DAB1: variants seen among roughly 807,000 people sequenced by gnomAD.
The protein encoded by DAB1 is DAB adaptor protein 1, also known as disabled homolog 1.
Under a neutral mutation model 64.6 loss-of-function variants are expected in DAB1, and 15 were observed. The observed-to-expected ratio is 0.23, with a 90% confidence interval of 0.16 to 0.36. DAB1 has a LOEUF of 0.36. DAB1 is among the 10% of genes least tolerant of loss of function. The pLI, the probability that DAB1 is intolerant of heterozygous loss-of-function variation, is 1.00. For synonymous variants in DAB1, 235 were observed against 251.9 expected (o/e 0.93, Z 0.64); for missense variants, 596 against 706.7 (o/e 0.84, Z 1.78).
intron 5 of DAB1, among the ~76,000 whole-genome samples, chr1:58,131,769 C>T (rs1190578542): frequency 1.3e-5 from 2 of 148,398 alleles, no homozygotes; most frequent in South Asian, 2.3e-4. Flanking sequence ...TTAGGCTGCT[C>T]GGGGGTCAGG....
intron 4 of DAB1, among the ~76,000 whole-genome samples, chr1:58,294,337 T>C (rs1260704580): frequency 6.6e-6 from 1 of 152,198 alleles, no homozygotes; most frequent in Non-Finnish European, 1.5e-5. Flanking sequence ...ATTCATAGCA[T>C]CTTCAGTAGC....
At chr1:58,118,566 A>ATC (rs1491578232) in intron 5 of DAB1, among the ~76,000 whole-genome samples, 1 of 56,284 alleles carries the variant, frequency 1.8e-5, no homozygotes, top group African/African-American at 2.3e-4. Flanking sequence ...TATAAAATAC[A>ATC]TATATATATA....
At chr1:57,055,213 A>C (rs1373301728) in intron 9 of DAB1, among the ~76,000 whole-genome samples, 1 of 152,232 alleles carries the variant, frequency 6.6e-6, no homozygotes, top group Non-Finnish European at 1.5e-5. Flanking sequence ...CCAGAAAAGC[A>C]GATGAAATGT....
chr1:57,953,957 T>C (rs1645332321), intron 5 of DAB1, among the ~76,000 whole-genome samples: 1 of 152,098 alleles, frequency 6.6e-6, no homozygotes, highest in African/African-American at 2.4e-5. Flanking sequence ...CACCACCAAC[T>C]CCCTTTTTGG....
At chr1:57,047,668 T>TTTA (rs1367692928) in intron 9 of DAB1, among the ~76,000 whole-genome samples, 1 of 152,198 alleles carries the variant, frequency 6.6e-6, no homozygotes, top group Non-Finnish European at 1.5e-5. Context: ...TTTTCTGTTG[T>TTTA]TTAAACCACC....
At chr1:57,157,570 A>C (rs1169055702) in intron 2 of DAB1, among the ~76,000 whole-genome samples, 2 of 148,086 alleles carry the variant, frequency 1.4e-5, no homozygotes, top group Non-Finnish European at 1.5e-5. Flanking sequence ...TGCACTGAGA[A>C]AGAGAGAGAG....
At chr1:57,975,277 A>C (rs1297266271) in intron 5 of DAB1, among the ~76,000 whole-genome samples, 1 of 152,182 alleles carries the variant, frequency 6.6e-6, no homozygotes, top group East Asian at 1.9e-4. Context: ...TGTTTAACTC[A>C]CCCATCTGTG....
chr1:57,363,658 A>G (rs1679738258), intron 1 of DAB1, among the ~76,000 whole-genome samples: 1 of 152,330 alleles, frequency 6.6e-6, no homozygotes, highest in Admixed American at 6.5e-5. Flanking sequence ...CAGGAGACTG[A>G]GACCCAGAAA....
chr1:57,427,552 C>G (rs1183155082), upstream of DAB1, among the ~76,000 whole-genome samples: 1 of 151,464 alleles, frequency 6.6e-6, no homozygotes, highest in Non-Finnish European at 1.5e-5. Context: ...CTAGCTATTA[C>G]TACTCCTCCA....
intron 3 of DAB1, among the ~76,000 whole-genome samples, chr1:58,425,079 GA>G (rs1644809357): frequency 6.6e-6 from 1 of 152,166 alleles, no homozygotes; most frequent in South Asian, 2.1e-4. Flanking sequence ...GATATTGTTT[GA>G]AATAAGTGAT....
intron 3 of DAB1, among the ~76,000 whole-genome samples, chr1:58,451,979 A>G (rs567048439): frequency 2.1e-5 from 3 of 143,742 alleles, no homozygotes; most frequent in Non-Finnish European, 4.5e-5. Context: ...GTGCAATGGC[A>G]CGATCTCCGC....
At chr1:58,207,786 T>C (rs1658354968) in intron 4 of DAB1, among the ~76,000 whole-genome samples, 1 of 151,990 alleles carries the variant, frequency 6.6e-6, no homozygotes, top group Non-Finnish European at 1.5e-5. Flanking sequence ...AAAAGACATA[T>C]TTCATGAAAA....
chr1:57,616,770 G>T (rs565183033), intron 7 of DAB1, among the ~76,000 whole-genome samples: 39 of 152,250 alleles, frequency 2.6e-4, no homozygotes, highest in South Asian at 1.5e-3. Flanking sequence ...CAATAGAAAA[G>T]TGAGGGAGGA....
intron 6 of DAB1, among the ~76,000 whole-genome samples, chr1:57,714,944 G>A (rs987245543): frequency 4.5e-4 from 68 of 152,240 alleles, no homozygotes; most frequent in African/African-American, 1.4e-3. Context: ...TGAACATCAC[G>A]TGGATACCAA....
chr1:57,161,657 A>C (rs186914093), intron 2 of DAB1, among the ~76,000 whole-genome samples: 262 of 152,328 alleles, frequency 1.7e-3, no homozygotes, highest in South Asian at 1.9e-3. Flanking sequence ...TCTTTTAAAC[A>C]AGTGCTTTTT....
At chr1:58,296,261 G>C (rs993877844) in intron 4 of DAB1, among the ~76,000 whole-genome samples, 15 of 140,284 alleles carry the variant, frequency 1.1e-4, no homozygotes, top group African/African-American at 3.8e-4. Flanking sequence ...AAGAAAGAAA[G>C]AAAAGTGAGG....
intron 7 of DAB1, among the ~76,000 whole-genome samples, chr1:57,595,757 G>A (rs1645501292): frequency 6.6e-6 from 1 of 151,964 alleles, no homozygotes; most frequent in Admixed American, 6.6e-5. Context: ...TCATGATAGT[G>A]AATGAGTGAG....
At chr1:57,612,423 G>A (rs1645739344) in intron 7 of DAB1, among the ~76,000 whole-genome samples, 1 of 152,012 alleles carries the variant, frequency 6.6e-6, no homozygotes, top group South Asian at 2.1e-4. Flanking sequence ...ATCTGGGTGG[G>A]CCCAATATAA....
At chr1:57,264,857 T>C (rs1012042047) in intron 2 of DAB1, among the ~76,000 whole-genome samples, 3 of 152,216 alleles carry the variant, frequency 2.0e-5, no homozygotes, top group Non-Finnish European at 4.4e-5. Flanking sequence ...CATATATAAA[T>C]ATCTCAGCTG....
Sources: allele counts gnomAD v4.1 joint callset (sites outside exome capture counted in the v4.1 genomes callset), GRCh38; gene constraint gnomAD v4.1.1; transcripts MANE v1.5; gene names NCBI Gene and HGNC (gene_info 2026-07-23, HGNC 2026-07-21).